ZEB1: variants seen among roughly 807,000 people sequenced by gnomAD.
ZEB1 encodes the protein zinc finger E-box binding homeobox 1, also known as zinc finger E-box-binding homeobox 1.
A neutral mutation model predicts 84.9 loss-of-function variants in ZEB1; 21 were observed. The ratio of observed to expected loss-of-function variants is 0.25; its 90% confidence interval spans 0.18 to 0.36. ZEB1 has a LOEUF of 0.36. Among genes scored for constraint, ZEB1 ranks in the 10% least tolerant of loss-of-function variants. The pLI is 1.00. For missense variants in ZEB1, 1,104 were observed against 1,330.2 expected (o/e 0.83, Z 2.65); for synonymous variants, 420 against 471.1 (o/e 0.89, Z 1.41).
In ZEB1 at chr10:31,524,078, G is replaced by T. The variant is rs750075928; in HGVS notation, c.2750G>T (p.Ser917Ile). ...CDLCDKIFQK[S>I]SSLLRHKYEH... is the part of the protein sequence containing the mutation. ...TTGTGTGACAAGATATTCCAAAAGAGTAGTTCATTATTGAGACATAAATAT... is the reference window on the plus strand; with the variant it reads ...TTGTGTGACAAGATATTCCAAAAGATTAGTTCATTATTGAGACATAAATAT... The change falls in exon 8 of 9, where the codon AGT becomes ATT. Residue 917 changes from serine to isoleucine, a missense_variant. By Grantham distance (142) the Ser-to-Ile change is moderately radical. Around this residue, in one of 7 missense-constraint regions of ZEB1, gnomAD observed 53 missense variants for 92.5 expected, o/e 0.57. Transcript: ENST00000424869. The T allele has an allele frequency of 6.2e-7, 1 of 1,613,792 alleles. No homozygotes were observed. The highest frequency in any genetic ancestry group is 2.2e-5 in the East Asian group (1 of 44,810).
At position 31,410,007 on chromosome 10, in the gene ZEB1, C is replaced by G. The variant is rs949798918; in HGVS notation, c.59-51030C>G. 6.6e-5 allele frequency among the ~76,000 whole-genome samples: 10 copies of G among 152,290 alleles called. No individual in the cohort carries two copies. The South Asian group carries it at 1.9e-3, about 28-fold the overall frequency. ...CTATTTGAATACCTTTTATTTCTTT[C>G]TCTTGCGTGATTGCCCAAGCCAGAC... On this transcript the variant is annotated intron_variant, in intron 1 of 8. Coordinates refer to ENST00000424869, the MANE Select transcript of ZEB1 (RefSeq NM_001174096.2).
intron 2 of ZEB1, among the ~76,000 whole-genome samples, chr10:31,462,029 C>G (rs2061877915): frequency 6.6e-6 from 1 of 152,080 alleles, no homozygotes; most frequent in South Asian, 2.1e-4. Flanking sequence ...CAAGTACACG[C>G]AATAAATCGA....
chr10:31,328,792 T>C (rs1287629839), intron 1 of ZEB1, among the ~76,000 whole-genome samples: 1 of 152,136 alleles, frequency 6.6e-6, no homozygotes, highest in Non-Finnish European at 1.5e-5. Flanking sequence ...TGTCCCATTG[T>C]TATTCTGTTA....
chr10:31,403,245 A>G (rs1023596587), intron 1 of ZEB1, among the ~76,000 whole-genome samples: 15 of 152,134 alleles, frequency 9.9e-5, no homozygotes, highest in Admixed American at 7.9e-4. Context: ...TGTGAGGATT[A>G]GAGACAATGT....
chr10:31,357,025 G>A (rs949060680), intron 1 of ZEB1, among the ~76,000 whole-genome samples: 2 of 152,094 alleles, frequency 1.3e-5, no homozygotes, highest in Admixed American at 6.5e-5. Context: ...TTGGCCCATA[G>A]GCTGTTGTTT....
chr10:31,406,817 T>C (rs1162171420), intron 1 of ZEB1, among the ~76,000 whole-genome samples: 2 of 152,196 alleles, frequency 1.3e-5, no homozygotes, highest in Non-Finnish European at 2.9e-5. Context: ...GAGTTTTTTA[T>C]GGTTTTAGGT....
At chr10:31,357,914 A>C (rs533902496) in intron 1 of ZEB1, among the ~76,000 whole-genome samples, 1 of 152,242 alleles carries the variant, frequency 6.6e-6, no homozygotes, top group East Asian at 1.9e-4. Flanking sequence ...TGCTGGCTGC[A>C]ATCAGGATTG....
intron 2 of ZEB1, among the ~76,000 whole-genome samples, chr10:31,477,042 T>G (rs1263768479): frequency 6.6e-6 from 1 of 152,060 alleles, no homozygotes; most frequent in Non-Finnish European, 1.5e-5. Context: ...TTCAACATAG[T>G]ACTGGAAGTC....
At chr10:31,457,269 C>T (rs1426922291) in intron 1 of ZEB1, among the ~76,000 whole-genome samples, 2 of 152,048 alleles carry the variant, frequency 1.3e-5, no homozygotes, top group African/African-American at 4.8e-5. Context: ...TTATCAAGGG[C>T]CTGCATTACT....
intron 1 of ZEB1, among the ~76,000 whole-genome samples, chr10:31,395,742 G>A (rs1004624177): frequency 2.0e-5 from 3 of 152,178 alleles, no homozygotes; most frequent in African/African-American, 4.8e-5. Flanking sequence ...ACCTCTTTTC[G>A]ATGCTGCCTG....
intron 1 of ZEB1, among the ~76,000 whole-genome samples, chr10:31,433,062 A>C (rs557664552): frequency 1.3e-5 from 2 of 152,344 alleles, no homozygotes; most frequent in Admixed American, 6.5e-5. Context: ...GCAGTTTCTT[A>C]AAGTTTAGTT....
In ZEB1 at chr10:31,343,466, CATTT is replaced by C. The variant is rs941965567; in HGVS notation, c.58+24187_58+24190del. ...CTAAGATTTCATTATTTATCATACACATTTATTTATTTATTTTTATTTTTTATCA... is the reference window on the plus strand; with the variant it reads ...CTAAGATTTCATTATTTATCATACACATTTATTTATTTTTATTTTTTATCA... On this transcript the variant is annotated intron_variant, in intron 1 of 8. Transcript: ENST00000424869. Among the ~76,000 whole-genome samples, 11 of 152,114 alleles carry C rather than the reference CATTT, an allele frequency of 7.2e-5. No homozygotes were observed. In the East Asian group the frequency reaches 9.6e-4, roughly 13 times the overall value.
At position 31,328,275 on chromosome 10, in the gene ZEB1, TC is replaced by T. The variant is rs1348215776; in HGVS notation, c.58+8985del. Among the ~76,000 whole-genome samples, 4 of 152,298 alleles carry T rather than the reference TC, an allele frequency of 2.6e-5. 1 individual carries two copies. The highest frequency in any genetic ancestry group is 2.0e-4 in the Admixed American group (3 of 15,300). Reference sequence around the variant, plus strand: ...TATAGCAGTTAAGAGTTTGGGTTGATCCTGTAACTTACTACCTATCACCCTG... The same window carrying T: ...TATAGCAGTTAAGAGTTTGGGTTGATCTGTAACTTACTACCTATCACCCTG... On this transcript the variant is annotated intron_variant, in intron 1 of 8. Coordinates refer to ENST00000424869, the MANE Select transcript of ZEB1 (RefSeq NM_001174096.2).
chr10:31,375,415 G>A (rs1157629679), intron 1 of ZEB1, among the ~76,000 whole-genome samples: 2 of 151,814 alleles, frequency 1.3e-5, no homozygotes, highest in East Asian at 1.9e-4. Flanking sequence ...TTTTGGTTCT[G>A]TTTAGTTGGC....
intron 1 of ZEB1, among the ~76,000 whole-genome samples, chr10:31,329,719 C>G (rs148811532): frequency 7.8e-4 from 119 of 152,180 alleles, no homozygotes; most frequent in Non-Finnish European, 1.6e-3. Flanking sequence ...AAACAATTGT[C>G]CATGTTTTTA....
At chr10:31,357,847 A>T (rs1208444375) in intron 1 of ZEB1, among the ~76,000 whole-genome samples, 1 of 152,052 alleles carries the variant, frequency 6.6e-6, no homozygotes, top group Admixed American at 6.6e-5. Context: ...TTTGTCGTCT[A>T]CTCTACTCTT....
intron 1 of ZEB1, among the ~76,000 whole-genome samples, chr10:31,361,555 A>G (rs895311710): frequency 6.6e-6 from 1 of 152,218 alleles, no homozygotes; most frequent in African/African-American, 2.4e-5. Flanking sequence ...CACTTCCCAG[A>G]TGGTGAGGGG....
At chr10:31,410,235 T>C (rs2053984306) in intron 1 of ZEB1, among the ~76,000 whole-genome samples, 1 of 152,228 alleles carries the variant, frequency 6.6e-6, no homozygotes, top group African/African-American at 2.4e-5. Context: ...TTGAATTTTA[T>C]CAAAAGCCTT....
At chr10:31,343,349 A>G (rs1424800215) in intron 1 of ZEB1, among the ~76,000 whole-genome samples, 1 of 152,066 alleles carries the variant, frequency 6.6e-6, no homozygotes, top group Non-Finnish European at 1.5e-5. Flanking sequence ...ATTTCTTTTC[A>G]TCTATTTCCA....
Sources: gnomAD v4.1 joint callset for allele counts (sites outside exome capture counted in the v4.1 genomes callset) on GRCh38, gnomAD v4.1.1 for gene constraint, gnomAD v4.1.1 regional missense constraint, MANE v1.5 for transcripts, NCBI Gene and HGNC (gene_info 2026-07-23, HGNC 2026-07-21) for gene names.